AFF4: variants seen among roughly 807,000 people sequenced by gnomAD.
The protein encoded by AFF4 is AF4/FMR2 family member 4.
In AFF4, 13 loss-of-function variants were observed where a neutral mutation model predicts 124.8. The ratio of observed to expected loss-of-function variants is 0.10; its 90% CI spans 0.07 to 0.17. The LOEUF (loss-of-function observed/expected upper bound fraction) is 0.17, where lower values mean the gene tolerates loss of function less well. Among genes scored for constraint, AFF4 ranks in the 10% least tolerant of loss-of-function variants. AFF4 has a pLI of 1.00. For synonymous variants in AFF4, 477 were observed against 496.1 expected, an observed-to-expected ratio of 0.96 and a Z score of 0.51; for missense variants, 1,092 against 1,403.8, an observed-to-expected ratio of 0.78 and a Z score of 3.55.
chr5:132,902,451 T>C lies in AFF4; in HGVS notation c.1124A>G (p.Gln375Arg). 1.2e-6 allele frequency: 2 copies of C among 1,609,072 alleles called. No individual in the cohort carries two copies. Among genetic ancestry groups the C allele is most frequent in the Non-Finnish European group, 1.7e-6 (2 of 1,175,590 alleles). ...TAAGCAATAAACTTACGATTTAGAC[T>C]GGTGCCCATTTGAAGTTTTAGAAGG... Reference protein sequence around the residue: ...YNPSKTSNGHQSKSMLKDDLK... With the variant: ...YNPSKTSNGHRSKSMLKDDLK... Residue 375 changes from glutamine (Q) to arginine (R), a missense_variant, in exon 7 of 21, where the codon CAG (glutamine) becomes CGG (arginine). Physicochemically the swap from Gln to Arg is conservative, Grantham distance 43. Coordinates refer to ENST00000265343, the MANE Select transcript of AFF4 (RefSeq NM_014423.4).
chr5:132,918,814 C>T (rs1189298851), intron 5 of AFF4, among the ~76,000 whole-genome samples: 2 of 151,714 alleles, frequency 1.3e-5, no homozygotes, highest in East Asian at 3.9e-4. Flanking sequence ...CCAAATTGAT[C>T]TATAGATCCA....
chr5:132,878,385 A>T lies in AFF4; in HGVS notation c.*2674T>A. 4.3e-6 allele frequency: 1 copy of T among 230,874 alleles called. No individual in the cohort carries two copies. 14.3% of individuals were successfully genotyped at this position (230,874 alleles called of 1,614,324 possible). On this transcript the variant is annotated 3_prime_UTR_variant, in exon 21 of 21. Coordinates refer to ENST00000265343, the MANE Select transcript of AFF4 (RefSeq NM_014423.4). Reference sequence around the variant, plus strand: ...ATAGTTGTTGTTTCTATAATTAACCATATACTAAGTACAAGTCTCAGACTA... The same window carrying T: ...ATAGTTGTTGTTTCTATAATTAACCTTATACTAAGTACAAGTCTCAGACTA...
At chr5:132,930,545 C>T (rs1761274460) in intron 4 of AFF4, among the ~76,000 whole-genome samples, 1 of 151,198 alleles carries the variant, frequency 6.6e-6, no homozygotes, top group South Asian at 2.1e-4. Flanking sequence ...TTATAGTGGG[C>T]TAAAGGAAGG....
chr5:132,914,585 A>G (rs1760866569), intron 5 of AFF4, among the ~76,000 whole-genome samples: 1 of 151,850 alleles, frequency 6.6e-6, no homozygotes, highest in South Asian at 2.1e-4. Context: ...TGGGAGACAG[A>G]GCAAGACTCC....
chr5:132,899,873 A>C (rs1419414896), intron 7 of AFF4, among the ~76,000 whole-genome samples: 1 of 152,208 alleles, frequency 6.6e-6, no homozygotes, highest in African/African-American at 2.4e-5. Context: ...TAAAATATTC[A>C]CCTTTTCTAA....
chr5:132,940,525 AAAAT>A (rs1761543916), intron 1 of AFF4, among the ~76,000 whole-genome samples: 1 of 152,194 alleles, frequency 6.6e-6, no homozygotes, highest in East Asian at 1.9e-4. Context: ...ATAAAAACAA[AAAAT>A]AAAGTATGAT....
At chr5:132,908,774 A>ATTT (rs374776534) in intron 5 of AFF4, among the ~76,000 whole-genome samples, 7,970 of 122,070 alleles carry the variant, frequency 0.065, 394 homozygotes, top group East Asian at 0.24. Context: ...ATATATATAT[A>ATTT]TATTTTTTTT....
rs187097902 is a variant in AFF4, at chr5:132,955,941, A to C, written c.-5+7318T>G. Among the ~76,000 whole-genome samples the C allele has an allele frequency of 4.3e-3, 621 of 144,662 alleles. 4 individuals are homozygous for C. Among genetic ancestry groups the C allele is most frequent in the African/African-American group, 0.014 (573 of 40,194 alleles). The allele number at this position is 144,662 out of a possible 152,430, so 94.9% of individuals were successfully genotyped here. ...TATACTTACTATATTATACTATACT[A>C]TATAGTATAGTATATATAATATAAT... is the stretch of plus-strand genomic sequence containing the variant. On this transcript the variant is annotated intron_variant, in intron 1 of 20. Transcript: ENST00000265343.
chr5:132,882,967 C>T (rs1196337635), intron 20 of AFF4, among the ~76,000 whole-genome samples: 1 of 151,872 alleles, frequency 6.6e-6, no homozygotes, highest in East Asian at 1.9e-4. Flanking sequence ...CATTAACCTT[C>T]TCAGATGTAC....
intron 2 of AFF4, among the ~76,000 whole-genome samples, chr5:132,935,231 A>G (rs999175931): frequency 3.3e-5 from 5 of 152,288 alleles, no homozygotes; most frequent in East Asian, 1.9e-4. Flanking sequence ...GGTTTGCTCA[A>G]TTCCAAGATT....
chr5:132,936,198 C>CG (rs746556553), intron 2 of AFF4, among the ~76,000 whole-genome samples: 1 of 125,716 alleles, frequency 8.0e-6, no homozygotes, highest in Non-Finnish European at 1.6e-5. Context: ...ACCCGGGAGG[C>CG]GGAGCTTGCA....
In AFF4 at chr5:132,877,345, A is replaced by C. The variant is rs1268962382; in HGVS notation, c.*3714T>G. 3 of 214,692 alleles carry C rather than the reference A, an allele frequency of 1.4e-5. No homozygotes were observed. Among genetic ancestry groups the C allele is most frequent in the Non-Finnish European group, 1.9e-5 (2 of 106,294 alleles). 13.3% of individuals were successfully genotyped at this position (214,692 alleles called of 1,614,324 possible). On this transcript the variant is annotated 3_prime_UTR_variant, in exon 21 of 21. Transcript: ENST00000265343. ...TTTAAAAGTTAATTTACTACAAATC[A>C]TAGTAATTAAGCTTTAACAATCTAA... is the stretch of plus-strand genomic sequence containing the variant.
At chr5:132,962,539 ACTC>A (rs1340188769) in intron 1 of AFF4, among the ~76,000 whole-genome samples, 1 of 152,104 alleles carries the variant, frequency 6.6e-6, no homozygotes. Context: ...TACTCCCAAA[ACTC>A]CTGTACTCCA....
At chr5:132,915,827 A>C (rs1760896207) in intron 5 of AFF4, among the ~76,000 whole-genome samples, 1 of 152,000 alleles carries the variant, frequency 6.6e-6, no homozygotes, top group Non-Finnish European at 1.5e-5. Context: ...CTGGGATTAC[A>C]GAAGTGAGCC....
intron 5 of AFF4, among the ~76,000 whole-genome samples, chr5:132,908,840 G>A (rs1325253538): frequency 1.4e-5 from 2 of 143,960 alleles, no homozygotes; most frequent in Admixed American, 7.2e-5. Flanking sequence ...GTGTGATTTC[G>A]GCTCTCTGCC....
At chr5:132,888,850 A>C (rs1256949063) in intron 14 of AFF4, among the ~76,000 whole-genome samples, 1 of 152,018 alleles carries the variant, frequency 6.6e-6, no homozygotes, top group African/African-American at 2.4e-5. Flanking sequence ...GGTGTGTACC[A>C]CCACGCCCAG....
chr5:132,931,218 C>A (rs55819446), intron 4 of AFF4, among the ~76,000 whole-genome samples: 2,357 of 151,748 alleles, frequency 0.016, 68 homozygotes, highest in African/African-American at 0.055. Context: ...AACTGGAGGT[C>A]AGAAGTTCAA....
At chr5:132,952,623 G>A (rs756220220) in intron 1 of AFF4, among the ~76,000 whole-genome samples, 1 of 152,186 alleles carries the variant, frequency 6.6e-6, no homozygotes, top group African/African-American at 2.4e-5. Context: ...GCCAGGCGCG[G>A]TGGCTCACAC....
At chr5:132,897,417 T>G (rs543388503) in intron 10 of AFF4, among the ~76,000 whole-genome samples, 177 bp from the exon 11 acceptor site, 1 of 152,236 alleles carries the variant, frequency 6.6e-6, no homozygotes, top group South Asian at 2.1e-4. Context: ...ATCATCTGAA[T>G]AAGAAGATAA....
Sources: gnomAD v4.1 joint callset for allele counts (sites outside exome capture counted in the v4.1 genomes callset) on GRCh38, gnomAD v4.1.1 for gene constraint, MANE v1.5 for transcripts, NCBI Gene and HGNC (gene_info 2026-07-23, HGNC 2026-07-21) for gene names.